The following DOCK1 variants were observed in gnomAD, a reference collection of about 807,000 sequenced individuals.
DOCK1 encodes the protein dedicator of cytokinesis 1.
In DOCK1, 138 loss-of-function variants were observed where a neutral mutation model predicts 262.7. That is an observed-to-expected ratio of 0.53 (90% confidence interval 0.46 to 0.61). The LOEUF (loss-of-function observed/expected upper bound fraction) is 0.61. DOCK1 is among the 20% of genes least tolerant of loss of function. The probability of loss-of-function intolerance (pLI) is 0.00; values close to 1 mark genes in which losing one functional copy is unlikely to be tolerated. For synonymous variants in DOCK1, 866 were observed against 867.4 expected, an observed-to-expected ratio of 1.00 and a Z score of 0.03; for missense variants, 1,908 against 2,370.7, an observed-to-expected ratio of 0.80 and a Z score of 4.05.
rs372221636 is a variant in DOCK1, at chr10:127,052,740, A to T, written c.2261A>T (p.Glu754Val). 10 of 1,613,822 alleles carry T rather than the reference A, an allele frequency of 6.2e-6. No individual in the cohort carries two copies. The highest frequency in any genetic ancestry group is 8.5e-6 in the Non-Finnish European group (10 of 1,179,894). ...VDGAEKPGVN[E>V]QLYKAMKALE... ...GGTGCTGAGAAGCCGGGAGTAAATG[A>T]GCAGCTGTACAAAGCCATGAAAGCG... Residue 754 changes from glutamate to valine, a missense_variant, in exon 22 of 52, where the codon GAG becomes GTG. By Grantham distance (121) the Glu-to-Val change is moderately radical. Around this residue, in one of 9 missense-constraint regions of DOCK1, gnomAD observed 518 missense variants for 575.1 expected, o/e 0.90. Coordinates refer to ENST00000623213, the MANE Select transcript of DOCK1 (RefSeq NM_001290223.2).
chr10:127,209,762 G>T (rs1024245399), intron 27 of DOCK1, among the ~76,000 whole-genome samples: 1 of 152,160 alleles, frequency 6.6e-6, no homozygotes, highest in Admixed American at 6.5e-5. Context: ...GGCAATTAAA[G>T]GTTACACATA....
chr10:126,948,832 G>T (rs1051197108), intron 1 of DOCK1, among the ~76,000 whole-genome samples: 18 of 152,144 alleles, frequency 1.2e-4, no homozygotes, highest in African/African-American at 4.1e-4. Context: ...AGGGAACCTT[G>T]CCCCCTATGC....
At chr10:127,123,220 T>C (rs1255545133) in intron 25 of DOCK1, among the ~76,000 whole-genome samples, 1 of 152,214 alleles carries the variant, frequency 6.6e-6, no homozygotes, top group East Asian at 1.9e-4. Context: ...GGGGCTGTCA[T>C]TACCTGCTCA....
intron 29 of DOCK1, among the ~76,000 whole-genome samples, chr10:127,322,823 A>C (rs2766047): frequency 0.5 from 76,765 of 152,030 alleles, 19,871 homozygotes; most frequent in African/African-American, 0.63. Flanking sequence ...TGACTTCTTT[A>C]CTGTCTGATC....
rs1271816524 is a variant in DOCK1, at chr10:126,987,582, C to T, written c.289C>T (p.Arg97Ter). Residue 97 changes from arginine (R) to a stop codon, truncating the protein, a stop_gained, in exon 5 of 52, where the codon CGA (arginine) becomes TGA (stop). Transcript: ENST00000623213. LOFTEE classifies it high-confidence loss of function. ...PLIQEVTTTL[R>*]EWSTIWRQLY... ...CATCCAGGAAGTCACCACGACACTC[C>T]GAGAGTGGTCCACCATCTGGAGGCA... 1.9e-6 allele frequency: 3 copies of T among 1,572,264 alleles called. No homozygotes were observed. Among genetic ancestry groups the T allele is most frequent in the Non-Finnish European group, 2.6e-6 (3 of 1,158,418 alleles).
At chr10:127,182,121 C>A (rs576222455) in intron 27 of DOCK1, among the ~76,000 whole-genome samples, 1 of 152,040 alleles carries the variant, frequency 6.6e-6, no homozygotes, top group Non-Finnish European at 1.5e-5. Flanking sequence ...TGGCACGCCC[C>A]GTTCCCTCGA....
intron 22 of DOCK1, among the ~76,000 whole-genome samples, chr10:127,056,241 G>A (rs2045133504): frequency 6.6e-6 from 1 of 152,114 alleles, no homozygotes; most frequent in South Asian, 2.1e-4. Context: ...ACCTCCCTCT[G>A]TCACTCAGGA....
At chr10:127,125,712 C>A in intron 26 of DOCK1, 111 bp downstream of exon 26, 1 of 1,443,096 alleles carries the variant, frequency 6.9e-7, no homozygotes, top group Non-Finnish European at 9.1e-7. Flanking sequence ...TAAGGTCTAG[C>A]CTCTCTTTTT....
intron 29 of DOCK1, among the ~76,000 whole-genome samples, chr10:127,313,353 G>T (rs2135512822): frequency 6.6e-6 from 1 of 152,318 alleles, no homozygotes; most frequent in Non-Finnish European, 1.5e-5. Context: ...TGCAATGACG[G>T]AATGGAAGAG....
intron 27 of DOCK1, among the ~76,000 whole-genome samples, chr10:127,161,084 A>G (rs1164470492): frequency 6.6e-6 from 1 of 152,176 alleles, no homozygotes; most frequent in African/African-American, 2.4e-5. Flanking sequence ...TGAGCAGTAG[A>G]TTTGGCTTGT....
At chr10:127,374,701 A>G (rs1381870985) in intron 35 of DOCK1, among the ~76,000 whole-genome samples, 1 of 152,104 alleles carries the variant, frequency 6.6e-6, no homozygotes, top group African/African-American at 2.4e-5. Flanking sequence ...GGGAGGGGAG[A>G]GGTACTAACT....
chr10:127,326,643 A>G (rs1462988882), intron 29 of DOCK1, among the ~76,000 whole-genome samples: 1 of 152,234 alleles, frequency 6.6e-6, no homozygotes, highest in Non-Finnish European at 1.5e-5. Context: ...ACTCCAGTTA[A>G]TGTTGATATT....
chr10:127,238,599 C>T lies in DOCK1; in HGVS notation c.2848-9409C>T, dbSNP rs779829193. ...TGTGTAGACACATGGATTTTTTTCT[C>T]ATTCAATTTGCTACATTTGTTTGTT... On this transcript the variant is annotated intron_variant, in intron 27 of 51. Coordinates refer to ENST00000623213, the MANE Select transcript of DOCK1 (RefSeq NM_001290223.2). 2.0e-5 allele frequency among the ~76,000 whole-genome samples: 3 copies of T among 152,198 alleles called. No homozygotes were observed. The East Asian group carries it at 5.8e-4, about 29-fold the overall frequency.
Position 127,018,726 on chromosome 10 carries a change from G to T in DOCK1, c.1218G>T (p.Leu406Phe), listed in dbSNP as rs749969211. 8.7e-6 allele frequency: 14 copies of T among 1,614,020 alleles called. No individual in the cohort carries two copies. In the South Asian group the frequency reaches 1.5e-4, roughly 18 times the overall value. Residue 406 changes from leucine (L) to phenylalanine (F), a missense_variant, in exon 13 of 52, where the codon TTG becomes TTT. By Grantham distance (22) the Leu-to-Phe change is conservative. Around this residue, in one of 9 missense-constraint regions of DOCK1, gnomAD observed 294 missense variants for 439.9 expected, o/e 0.67. Transcript: ENST00000623213. ...NHKGQGLWVTLKLLPGDIHQI... is the reference protein window; with the variant it reads ...NHKGQGLWVTFKLLPGDIHQI... ...TTTTTCCAGGTTTGTGGGTAACATT[G>T]AAATTACTTCCTGGAGATATCCATC...
intron 24 of DOCK1, among the ~76,000 whole-genome samples, chr10:127,106,806 T>G (rs946267782): frequency 4.6e-5 from 7 of 152,256 alleles, no homozygotes; most frequent in South Asian, 4.2e-4. Flanking sequence ...CACTGGGCTT[T>G]CAGACCAAGG....
chr10:126,974,212 C>T (rs2038335397), intron 2 of DOCK1, among the ~76,000 whole-genome samples: 2 of 152,112 alleles, frequency 1.3e-5, no homozygotes, highest in African/African-American at 4.8e-5. Context: ...ATCCTGCTGT[C>T]GACTCGTTTC....
At chr10:126,950,340 G>A (rs1035872255) in intron 1 of DOCK1, among the ~76,000 whole-genome samples, 1 of 152,036 alleles carries the variant, frequency 6.6e-6, no homozygotes, top group Non-Finnish European at 1.5e-5. Flanking sequence ...TTGTTGGTCT[G>A]GATTGACTGG....
intron 50 of DOCK1, among the ~76,000 whole-genome samples, chr10:127,445,246 C>T (rs1331992493): frequency 6.6e-6 from 1 of 152,106 alleles, no homozygotes. Flanking sequence ...CCGGGGAGCC[C>T]ACTCTCCTTC....
At chr10:127,068,684 C>T (rs2046021157) in intron 23 of DOCK1, among the ~76,000 whole-genome samples, 1 of 152,168 alleles carries the variant, frequency 6.6e-6, no homozygotes, top group Non-Finnish European at 1.5e-5. Flanking sequence ...CAGTGATGAG[C>T]TCTTTTTGCT....
Sources: allele counts gnomAD v4.1 joint callset (sites outside exome capture counted in the v4.1 genomes callset), GRCh38; gene constraint gnomAD v4.1.1; regional missense constraint gnomAD v4.1.1; transcripts MANE v1.5; gene names NCBI Gene and HGNC (gene_info 2026-07-23, HGNC 2026-07-21).